The following FGGY variants were observed in gnomAD, a reference collection of about 807,000 sequenced individuals.
FGGY encodes FGGY carbohydrate kinase domain containing, also known as FGGY carbohydrate kinase domain-containing protein.
In FGGY, 72 loss-of-function variants were observed where a neutral mutation model predicts 71.3. The observed-to-expected ratio is 1.01, with a 90% CI of 0.84 to 1.23. The LOEUF is 1.23. Among genes scored for constraint, FGGY ranks in the 50% most tolerant of loss-of-function variants. The pLI, the probability that FGGY is intolerant of heterozygous loss-of-function variation, is 0.00. For missense variants in FGGY, 668 were observed against 682.3 expected (o/e 0.98, Z 0.23); for synonymous variants, 251 against 250.3 (o/e 1.00, Z -0.02).
At chr1:59,376,805 A>G (rs148154240) in intron 4 of FGGY, among the ~76,000 whole-genome samples, 1 of 152,324 alleles carries the variant, frequency 6.6e-6, no homozygotes, top group East Asian at 1.9e-4. Context: ...AGGGAGTAAT[A>G]GAAACCAGGA....
chr1:59,587,820 A>C (rs2096338085), intron 8 of FGGY, among the ~76,000 whole-genome samples: 1 of 152,130 alleles, frequency 6.6e-6, no homozygotes, highest in Admixed American at 6.5e-5. Context: ...CAAAGACCAA[A>C]AGTAGATAAA....
chr1:59,668,813 T>C (rs1436658993), intron 13 of FGGY, among the ~76,000 whole-genome samples: 2 of 149,534 alleles, frequency 1.3e-5, no homozygotes, highest in African/African-American at 2.5e-5. Flanking sequence ...AGAAACCCCA[T>C]CTCTACTAAA....
chr1:59,519,189 A>G (rs1426397182), intron 7 of FGGY, among the ~76,000 whole-genome samples: 1 of 152,236 alleles, frequency 6.6e-6, no homozygotes, highest in African/African-American at 2.4e-5. Flanking sequence ...ACTGTGTTAT[A>G]AAGAATGGCC....
At chr1:59,421,485 C>G (rs778972740) in intron 5 of FGGY, among the ~76,000 whole-genome samples, 2 of 101,632 alleles carry the variant, frequency 2.0e-5, no homozygotes, top group Non-Finnish European at 4.7e-5. Flanking sequence ...CTCCCTCTCC[C>G]CCTCTCTCCC....
At chr1:59,548,819 C>G (rs2095564861) in intron 7 of FGGY, among the ~76,000 whole-genome samples, 1 of 152,106 alleles carries the variant, frequency 6.6e-6, no homozygotes, top group Admixed American at 6.5e-5. Context: ...TCACAGAATG[C>G]TCTTATTAGC....
chr1:59,632,216 A>G (rs2096914475), intron 10 of FGGY, among the ~76,000 whole-genome samples: 1 of 152,248 alleles, frequency 6.6e-6, no homozygotes, highest in South Asian at 2.1e-4. Context: ...TGCATACTAT[A>G]TACATATACA....
rs146559695 is a variant in FGGY at position 59,463,237 on chromosome 1, C to A, written c.670+6161C>A. ...TTCTTAAAGAAAAGAATTTTCAACA[C>A]AGAATTTCATATCCAGCCAAACTAA... is the stretch of plus-strand genomic sequence containing the variant. On this transcript the variant is annotated intron_variant, in intron 6 of 15. Transcript: ENST00000303721. Among the ~76,000 whole-genome samples, 540 of 152,280 alleles carry A rather than the reference C, an allele frequency of 3.5e-3. 2 individuals are homozygous for A. The highest frequency in any genetic ancestry group is 0.012 in the African/African-American group (480 of 41,558).
chr1:59,326,281 A>C (rs889383312), intron 2 of FGGY, among the ~76,000 whole-genome samples: 2 of 152,218 alleles, frequency 1.3e-5, no homozygotes, highest in African/African-American at 4.8e-5. Context: ...TTGTATGAGA[A>C]AAATAAACAA....
chr1:59,443,304 A>ATTGAAATG (rs2070400397), intron 5 of FGGY, among the ~76,000 whole-genome samples: 1 of 152,230 alleles, frequency 6.6e-6, no homozygotes, highest in Non-Finnish European at 1.5e-5. Flanking sequence ...GCCAAAAAGA[A>ATTGAAATG]TTGAAATGCA....
chr1:59,427,827 T>C (rs1000187823), intron 5 of FGGY, among the ~76,000 whole-genome samples: 1 of 152,156 alleles, frequency 6.6e-6, no homozygotes, highest in Admixed American at 6.5e-5. Flanking sequence ...TTAGGTGGTC[T>C]ATGTTCAGGG....
intron 11 of FGGY, among the ~76,000 whole-genome samples, chr1:59,650,496 G>T (rs1303560942): frequency 9.8e-6 from 1 of 102,438 alleles, no homozygotes; most frequent in Non-Finnish European, 1.8e-5. Context: ...TATGTGTCCA[G>T]GAATTTATCC....
At chr1:59,467,792 T>C (rs1242633532) in intron 6 of FGGY, among the ~76,000 whole-genome samples, 1 of 152,234 alleles carries the variant, frequency 6.6e-6, no homozygotes, top group Non-Finnish European at 1.5e-5. Context: ...ACATTTTAGA[T>C]ACTGATGAAA....
In FGGY at chr1:59,583,491, T is replaced by C. The variant is rs1240815055; in HGVS notation, c.904-24312T>C. The stretch of plus-strand genomic sequence containing the variant: ...TCTAAGAACATGAGGATCTTTTCTA[T>C]TTATGGAGGTATCTTGAGGATTGGT... On this transcript the variant is annotated intron_variant, in intron 8 of 15. Transcript: ENST00000303721. 4.9e-5 allele frequency among the ~76,000 whole-genome samples: 7 copies of C among 143,416 alleles called. 2 individuals are homozygous for C. Among genetic ancestry groups the C allele is most frequent in the African/African-American group, 1.9e-4 (7 of 36,602 alleles). The allele number at this position is 143,416 out of a possible 152,430, so 94.1% of individuals were successfully genotyped here.
intron 8 of FGGY, among the ~76,000 whole-genome samples, chr1:59,602,063 C>T (rs1434539723): frequency 6.6e-6 from 1 of 152,186 alleles, no homozygotes; most frequent in Non-Finnish European, 1.5e-5. Context: ...TCTGATTGAC[C>T]AGCTGGGCTA....
intron 7 of FGGY, among the ~76,000 whole-genome samples, chr1:59,516,985 T>G (rs994224382): frequency 2.0e-5 from 3 of 152,038 alleles, no homozygotes; most frequent in Non-Finnish European, 4.4e-5. Context: ...AGGAAGGGCT[T>G]TGTGGGAATA....
At chr1:59,320,166 G>A (rs1316737602) in intron 1 of FGGY, among the ~76,000 whole-genome samples, 1 of 152,176 alleles carries the variant, frequency 6.6e-6, no homozygotes, top group Admixed American at 6.5e-5. Flanking sequence ...CTGCTCATGA[G>A]CCACAGAGCC....
At chr1:59,453,006 G>A (rs1352379504) in intron 5 of FGGY, among the ~76,000 whole-genome samples, 1 of 152,178 alleles carries the variant, frequency 6.6e-6, no homozygotes, top group African/African-American at 2.4e-5. Context: ...CTCCCGGAGG[G>A]GTAAGCCCTT....
chr1:59,519,905 G>A (rs2094776407), intron 7 of FGGY, among the ~76,000 whole-genome samples: 1 of 152,208 alleles, frequency 6.6e-6, no homozygotes, highest in Admixed American at 6.5e-5. Flanking sequence ...TAGGCCAGTG[G>A]TTCTCAACCA....
At chr1:59,450,387 C>G (rs1338266869) in intron 5 of FGGY, among the ~76,000 whole-genome samples, 1 of 145,040 alleles carries the variant, frequency 6.9e-6, no homozygotes, top group Admixed American at 6.7e-5. Flanking sequence ...AAATTTATGT[C>G]TGTTGTATTT....
Sources: gnomAD v4.1 joint callset for allele counts (sites outside exome capture counted in the v4.1 genomes callset) on GRCh38, gnomAD v4.1.1 for gene constraint, MANE v1.5 for transcripts, NCBI Gene and HGNC (gene_info 2026-07-23, HGNC 2026-07-21) for gene names.